The following LDLRAD3 variants were observed in gnomAD, a reference collection of about 807,000 sequenced individuals.
LDLRAD3 encodes the protein low-density lipoprotein receptor class A domain-containing protein 3.
In LDLRAD3, 20 loss-of-function variants were observed where a neutral mutation model predicts 29.4. That is an observed-to-expected ratio of 0.68 (90% CI 0.48 to 0.99). The LOEUF is 0.99. Among genes scored for constraint, LDLRAD3 ranks in the 50% least tolerant of loss-of-function variants. The probability of loss-of-function intolerance (pLI) is 0.00; values close to 1 mark genes in which losing one functional copy is unlikely to be tolerated. For synonymous variants in LDLRAD3, 157 were observed against 192.7 expected, an observed-to-expected ratio of 0.81 and a Z score of 1.53; for missense variants, 420 against 454.3, an observed-to-expected ratio of 0.92 and a Z score of 0.69.
chr11:35,953,172 G>A (rs1008218213), intron 1 of LDLRAD3, among the ~76,000 whole-genome samples: 3 of 152,144 alleles, frequency 2.0e-5, no homozygotes, highest in East Asian at 1.9e-4. Context: ...GGGTGAATTC[G>A]CTGTTGCCCA....
intron 1 of LDLRAD3, among the ~76,000 whole-genome samples, chr11:36,025,537 C>T (rs563789584): frequency 1.1e-3 from 169 of 151,964 alleles, no homozygotes; most frequent in Admixed American, 2.8e-3. Context: ...TATAGGCGCC[C>T]GCCACCACTC....
intron 1 of LDLRAD3, among the ~76,000 whole-genome samples, chr11:36,025,605 G>C (rs1483334580): frequency 6.6e-6 from 1 of 151,756 alleles, no homozygotes; most frequent in Non-Finnish European, 1.5e-5. Context: ...TAGCCAGGAT[G>C]GGCTTGATCT....
intron 4 of LDLRAD3, among the ~76,000 whole-genome samples, chr11:36,205,715 G>T (rs1255394829): frequency 2.6e-5 from 4 of 152,088 alleles, no homozygotes; most frequent in African/African-American, 7.2e-5. Flanking sequence ...TTTTCTCCTC[G>T]GAAGCCAATG....
At chr11:36,140,374 A>C (rs1565251954) in intron 4 of LDLRAD3, among the ~76,000 whole-genome samples, 1 of 152,192 alleles carries the variant, frequency 6.6e-6, no homozygotes, top group African/African-American at 2.4e-5. Flanking sequence ...AAAATTAACA[A>C]ACCATCTAAA....
At chr11:36,210,274 G>T (rs1267453331) in intron 4 of LDLRAD3, among the ~76,000 whole-genome samples, 1 of 152,138 alleles carries the variant, frequency 6.6e-6, no homozygotes, top group Non-Finnish European at 1.5e-5. Context: ...ACATCAGACG[G>T]TGTAGGTCCT....
intron 4 of LDLRAD3, among the ~76,000 whole-genome samples, chr11:36,200,140 TGG>T (rs1372208249): frequency 6.6e-6 from 1 of 152,046 alleles, no homozygotes; most frequent in Non-Finnish European, 1.5e-5. Flanking sequence ...CATTTCAGCC[TGG>T]GTGACACAGC....
chr11:36,109,318 C>T (rs1022880106), intron 4 of LDLRAD3, among the ~76,000 whole-genome samples: 16 of 151,544 alleles, frequency 1.1e-4, no homozygotes, highest in African/African-American at 2.2e-4. Flanking sequence ...AAGGATGTTG[C>T]GCTCTCTCCC....
intron 1 of LDLRAD3, among the ~76,000 whole-genome samples, chr11:36,019,508 T>C (rs1231993687): frequency 8.5e-5 from 13 of 152,302 alleles, no homozygotes; most frequent in Middle Eastern, 3.4e-3. Context: ...TCATTGTTCA[T>C]AGGACACCAG....
intron 1 of LDLRAD3, among the ~76,000 whole-genome samples, chr11:35,957,811 A>G (rs78250527): frequency 4.2e-5 from 6 of 142,848 alleles, no homozygotes; most frequent in East Asian, 2.1e-4. Flanking sequence ...AAAAAAAAAA[A>G]AAAAGAAAAG....
chr11:36,054,496 C>T (rs1852576859), intron 2 of LDLRAD3, among the ~76,000 whole-genome samples: 3 of 152,228 alleles, frequency 2.0e-5, no homozygotes, highest in Non-Finnish European at 4.4e-5. Context: ...TGGGGTTTTA[C>T]TTTACTGAGC....
At chr11:36,090,823 G>A (rs375678380) in intron 3 of LDLRAD3, among the ~76,000 whole-genome samples, 1 of 152,134 alleles carries the variant, frequency 6.6e-6, no homozygotes, top group Non-Finnish European at 1.5e-5. Flanking sequence ...CATAGGCTAC[G>A]TTCTGTCTTC....
intron 3 of LDLRAD3, among the ~76,000 whole-genome samples, chr11:36,084,485 T>A (rs1452048469): frequency 2.6e-5 from 4 of 152,150 alleles, no homozygotes; most frequent in Non-Finnish European, 4.4e-5. Context: ...CAATTTTTTT[T>A]AATTAGAAAA....
In LDLRAD3 at chr11:36,199,588, C is replaced by T. The variant is rs554915146; in HGVS notation, c.455-27497C>T. On this transcript the variant is annotated intron_variant, in intron 4 of 5. Transcript: ENST00000315571. Reference sequence around the variant, plus strand: ...TTCTACACACACACACACACACACACGCACGCACGCGTGCGCGCACACGCT... The same window carrying T: ...TTCTACACACACACACACACACACATGCACGCACGCGTGCGCGCACACGCT... Among the ~76,000 whole-genome samples the T allele has an allele frequency of 7.4e-5, 11 of 149,506 alleles. 1 individual carries two copies. Among genetic ancestry groups the T allele is most frequent in the Middle Eastern group, 3.4e-3 (1 of 290 alleles).
intron 2 of LDLRAD3, among the ~76,000 whole-genome samples, chr11:36,064,408 C>T (rs1852756970): frequency 6.6e-6 from 1 of 151,822 alleles, no homozygotes; most frequent in African/African-American, 2.4e-5. Flanking sequence ...CTCCCAGGCT[C>T]AAGTGATACT....
At chr11:35,996,603 C>T (rs1271647432) in intron 1 of LDLRAD3, among the ~76,000 whole-genome samples, 1 of 152,070 alleles carries the variant, frequency 6.6e-6, no homozygotes, top group Non-Finnish European at 1.5e-5. Context: ...AAATATAATA[C>T]TTATGAAGCT....
chr11:35,991,453 C>T (rs1851688008), intron 1 of LDLRAD3, among the ~76,000 whole-genome samples: 1 of 151,938 alleles, frequency 6.6e-6, no homozygotes, highest in Non-Finnish European at 1.5e-5. Flanking sequence ...TAATTGCGGC[C>T]AGCCAGGGAA....
At chr11:36,196,037 A>G (rs967045419) in intron 4 of LDLRAD3, among the ~76,000 whole-genome samples, 1 of 151,838 alleles carries the variant, frequency 6.6e-6, no homozygotes, top group Admixed American at 6.6e-5. Flanking sequence ...GACAAAAAAA[A>G]AAAAAAGCAT....
intron 2 of LDLRAD3, among the ~76,000 whole-genome samples, chr11:36,042,867 A>G (rs975798604): frequency 6.6e-6 from 1 of 152,196 alleles, no homozygotes; most frequent in Non-Finnish European, 1.5e-5. Flanking sequence ...GAGGGAATCA[A>G]CCCTGCTAAC....
In LDLRAD3 at chr11:36,071,595, A is replaced by G. The variant is rs76915679; in HGVS notation, c.194-10058A>G. ...ACAAGAAAAGATGTCACAACATATT[A>G]TGTAGCAAAAACAGGTTTCAGGATA... On this transcript the variant is annotated intron_variant, in intron 2 of 5. Coordinates refer to ENST00000315571, the MANE Select transcript of LDLRAD3 (RefSeq NM_174902.4). Among the ~76,000 whole-genome samples the G allele has an allele frequency of 4.1e-4, 62 of 152,364 alleles. 1 individual carries two copies. In the East Asian group the frequency reaches 6.2e-3, roughly 15 times the overall value.
Sources: gnomAD v4.1 joint callset for allele counts (sites outside exome capture counted in the v4.1 genomes callset) on GRCh38, gnomAD v4.1.1 for gene constraint, MANE v1.5 for transcripts, NCBI Gene and HGNC (gene_info 2026-07-23, HGNC 2026-07-21) for gene names.